SLC6A14: variants seen among roughly 807,000 people sequenced by gnomAD.
SLC6A14 encodes solute carrier family 6 member 14.
Under a neutral mutation model 51.4 loss-of-function variants are expected in SLC6A14, and 21 were observed. The ratio of observed to expected loss-of-function variants is 0.41; its 90% confidence interval spans 0.29 to 0.59. The LOEUF (loss-of-function observed/expected upper bound fraction) is 0.59. SLC6A14 is among the 20% of genes least tolerant of loss of function. The pLI, the probability that SLC6A14 is intolerant of heterozygous loss-of-function variation, is 0.31. For synonymous variants in SLC6A14, 177 were observed against 160.7 expected (o/e 1.10, Z -0.77); for missense variants, 371 against 472.8 (o/e 0.78, Z 2.00).
chrX:116,460,044 A>G lies in SLC6A14; in HGVS notation c.*1089A>G. 8.9e-6 allele frequency: 1 copy of G among 112,101 alleles called. No individual in the cohort carries two copies. The highest frequency in any genetic ancestry group is 2.8e-4 in the East Asian group (1 of 3,562). The allele number at this position is 112,101 out of a possible 1,213,427, so 9.2% of individuals were successfully genotyped here. A position where few individuals can be genotyped will look rare whatever the true frequency, so the allele number is the denominator to read the frequency against. ...TAAGAGCTTTATATATTGATTATAT[A>G]TTGTTGACAACTGGTTTAAGCATCA... On this transcript the variant is annotated 3_prime_UTR_variant, in exon 14 of 14. Coordinates refer to ENST00000598581, the MANE Select transcript of SLC6A14 (RefSeq NM_007231.5).
chrX:116,440,546 C>G (rs139769127), intron 2 of SLC6A14, among the ~76,000 whole-genome samples: 9 of 111,732 alleles, frequency 8.1e-5, no homozygotes, highest in Admixed American at 3.8e-4. Context: ...TATTTGAACC[C>G]TTATGACAAA....
rs1556693805 is a variant in SLC6A14, at chrX:116,443,686, G to A, written c.552G>A (p.Glu184=). ...NVSTVNKGIQ[E]IIQMNKSWVD... ...GTACAGTGAATAAAGGAATACAAGA[G>A]ATCATCCAAATGAATAAAAGCTGGG... The change falls in exon 5 of 14, where the codon GAG becomes GAA. Residue 184 remains glutamate, a synonymous_variant. Transcript: ENST00000598581. 10 of 1,197,115 alleles carry A rather than the reference G, an allele frequency of 8.4e-6. No individual in the cohort carries two copies. The highest frequency in any genetic ancestry group is 1.1e-5 in the Non-Finnish European group (10 of 885,703).
At chrX:116,452,651 G>A (rs1200002433) in intron 8 of SLC6A14, among the ~76,000 whole-genome samples, 2 of 111,660 alleles carry the variant, frequency 1.8e-5, no homozygotes, top group East Asian at 2.8e-4. Context: ...GAGCATCTAG[G>A]CTAAGATAAT....
At position 116,442,793 on chromosome X, in the gene SLC6A14, A is replaced by G. The variant is rs782432779; in HGVS notation, c.453A>G (p.Leu151=). 1.0e-5 allele frequency: 12 copies of G among 1,191,025 alleles called. No homozygotes were observed. The South Asian group carries it at 2.3e-4, about 23-fold the overall frequency. Residue 151 remains leucine, a synonymous_variant, in exon 4 of 14, where the codon CTA becomes CTG. Coordinates refer to ENST00000598581, the MANE Select transcript of SLC6A14 (RefSeq NM_007231.5). ...TGTTTGCTTCTTTTCAAAGTGAACTACCATGGAAAAATTGTTCTTCGTGGT... is the reference window on the plus strand; with the variant it reads ...TGTTTGCTTCTTTTCAAAGTGAACTGCCATGGAAAAATTGTTCTTCGTGGT... The part of the protein sequence containing the change: ...YYMFASFQSE[L]PWKNCSSWSD...
In SLC6A14 at chrX:116,460,797, A is replaced by T. The variant is rs1339983285; in HGVS notation, c.*1842A>T. On this transcript the variant is annotated 3_prime_UTR_variant, in exon 14 of 14. Coordinates refer to ENST00000598581, the MANE Select transcript of SLC6A14 (RefSeq NM_007231.5). ...TGGCCAGGCTGGTCTTGAACTCCCG[A>T]CCTCAAGTGATCTGTCTACCTCGGC... 1 of 109,425 alleles carries T rather than the reference A, an allele frequency of 9.1e-6. No homozygotes were observed. The highest frequency in any genetic ancestry group is 3.3e-5 in the African/African-American group (1 of 29,925). The allele number at this position is 109,425 out of a possible 1,213,427, so 9.0% of individuals were successfully genotyped here. A position where few individuals can be genotyped will look rare whatever the true frequency, so the allele number is the denominator to read the frequency against.
chrX:116,436,699 G>A lies in SLC6A14; in HGVS notation c.-11G>A, dbSNP rs190882629. 5.2e-6 allele frequency: 6 copies of A among 1,162,295 alleles called. No individual in the cohort carries two copies. The East Asian group carries it at 1.3e-4, about 25-fold the overall frequency. ...GAGGAGGCGAGGCGGAGCCAGCCGA[G>A]GGAGTGAACCATGGACAAGTTGAAA... On this transcript the variant is annotated 5_prime_UTR_variant, in exon 1 of 14. Coordinates refer to ENST00000598581, the MANE Select transcript of SLC6A14 (RefSeq NM_007231.5).
At chrX:116,453,236 C>T in intron 9 of SLC6A14, 94 bp downstream of exon 9, 7 of 730,584 alleles carry the variant, frequency 9.6e-6, no homozygotes, top group Middle Eastern at 3.3e-4. Context: ...CCCTATTACC[C>T]CCTCTAGCTG....
intron 6 of SLC6A14, among the ~76,000 whole-genome samples, chrX:116,446,126 T>A (rs4824359): frequency 1.1e-5 from 1 of 89,253 alleles, no homozygotes. Context: ...ATCAAGGAAA[T>A]CATCCTCATT....
At position 116,451,625 on chromosome X, in the gene SLC6A14, A is replaced by G; in HGVS notation, c.1114A>G (p.Met372Val). The part of the protein sequence containing the change: ...GFAIFSILGH[M>V]AHISGKEVSQ... ...TGCTATTTTTTCTATATTGGGACACATGGCCCATATATCTGGAAAGGAAGT... is the reference window on the plus strand; with the variant it reads ...TGCTATTTTTTCTATATTGGGACACGTGGCCCATATATCTGGAAAGGAAGT... The change falls in exon 8 of 14, where the codon ATG (methionine) becomes GTG (valine). Residue 372 changes from methionine (M) to valine (V), a missense_variant. Met to Val is a conservative substitution (Grantham distance 21). Coordinates refer to ENST00000598581, the MANE Select transcript of SLC6A14 (RefSeq NM_007231.5). 8.3e-7 allele frequency: 1 copy of G among 1,206,132 alleles called. No homozygotes were observed. Among genetic ancestry groups the G allele is most frequent in the South Asian group, 1.8e-5 (1 of 56,758 alleles).
Position 116,458,890 on chromosome X carries a change from G to A in SLC6A14, c.1864G>A (p.Val622Ile). ...TCGTGGGGAAAGATATAAAGACATG[G>A]TAGATCCTAAAAAAGAGGCTGACCA... ...QHRGERYKDM[V>I]DPKKEADHEI... Residue 622 changes from valine to isoleucine, a missense_variant, in exon 14 of 14, where the codon GTA becomes ATA. By Grantham distance (29) the Val-to-Ile change is conservative. Coordinates refer to ENST00000598581, the MANE Select transcript of SLC6A14 (RefSeq NM_007231.5). 8.3e-7 allele frequency: 1 copy of A among 1,203,672 alleles called. No individual in the cohort carries two copies. Among genetic ancestry groups the A allele is most frequent in the Non-Finnish European group, 1.1e-6 (1 of 890,803 alleles).
intron 11 of SLC6A14, 66 bp from the exon 12 acceptor site, chrX:116,455,291 T>A (rs1556694703): frequency 2.3e-6 from 2 of 880,825 alleles, no homozygotes; most frequent in Non-Finnish European, 3.3e-6. Flanking sequence ...GAAAGATAAT[T>A]GATGCCATAA....
At chrX:116,449,779 A>G (rs1339302558) in intron 7 of SLC6A14, among the ~76,000 whole-genome samples, 1 of 111,891 alleles carries the variant, frequency 8.9e-6, no homozygotes, top group Non-Finnish European at 1.9e-5. Flanking sequence ...TTCAAAAACA[A>G]ATGGAACTTG....
intron 2 of SLC6A14, 102 bp downstream of exon 2, chrX:116,438,057 A>G (rs957043722): frequency 1.4e-4 from 86 of 621,031 alleles, no homozygotes; most frequent in Non-Finnish European, 1.9e-4. Flanking sequence ...GAAGGAAGGC[A>G]TATGACAGTT....
chrX:116,456,134 A>T (rs139355792), intron 12 of SLC6A14, among the ~76,000 whole-genome samples: 182 of 111,273 alleles, frequency 1.6e-3, no homozygotes, highest in African/African-American at 5.3e-3. Flanking sequence ...CTGAGCACCA[A>T]AATAAACACT....
chrX:116,441,200 C>A, intron 3 of SLC6A14, 103 bp downstream of exon 3: 1 of 863,283 alleles, frequency 1.2e-6, no homozygotes, highest in Non-Finnish European at 1.6e-6. Flanking sequence ...CAAAAAATTG[C>A]TTAAAATTCT....
At chrX:116,454,897 AAAT>A (rs1203243157) in intron 10 of SLC6A14, 77 bp from the exon 11 acceptor site, 93 of 721,392 alleles carry the variant, frequency 1.3e-4, no homozygotes, top group Non-Finnish European at 1.2e-4. Flanking sequence ...AAGATCAAAT[AAAT>A]AGATTCAATT....
rs782183611 is a variant in SLC6A14, at chrX:116,440,925, C to T, written c.215-41C>T. ...GGTTGTCAAAGTGCCATCAAGACTT[C>T]GAGCTGTAATAGTGCTTTGGTTCTT... On this transcript the variant is annotated intron_variant, in intron 2 of 13. Transcript: ENST00000598581. 1.8e-5 allele frequency: 21 copies of T among 1,194,696 alleles called. No homozygotes were observed. In the South Asian group the frequency reaches 2.0e-4, roughly 11 times the overall value.
chrX:116,445,538 TGA>T (rs1475996438), intron 6 of SLC6A14, among the ~76,000 whole-genome samples: 4 of 109,447 alleles, frequency 3.7e-5, no homozygotes, highest in African/African-American at 6.7e-5. Flanking sequence ...TGTGTGTGTG[TGA>T]GTGTGTATGT....
At chrX:116,442,327 G>A (rs1414342133) in intron 3 of SLC6A14, among the ~76,000 whole-genome samples, 1 of 111,911 alleles carries the variant, frequency 8.9e-6, no homozygotes, top group Admixed American at 9.5e-5. Flanking sequence ...GTGCAGTGGT[G>A]GATCTAGGCT....
Sources: gnomAD v4.1 joint callset for allele counts (sites outside exome capture counted in the v4.1 genomes callset) on GRCh38, gnomAD v4.1.1 for gene constraint, MANE v1.5 for transcripts, NCBI Gene and HGNC (gene_info 2026-07-23, HGNC 2026-07-21) for gene names.